TRPM3: variants seen among roughly 807,000 people sequenced by gnomAD.
TRPM3 encodes long transient receptor potential channel 3.
Under a neutral mutation model 181.2 loss-of-function variants are expected in TRPM3, and 77 were observed. That is an observed-to-expected ratio of 0.42 (90% CI 0.35 to 0.51). The LOEUF is 0.51. Among genes scored for constraint, TRPM3 ranks in the 20% least tolerant of loss-of-function variants. The pLI is 0.01. For synonymous variants in TRPM3, 745 were observed against 796.4 expected (o/e 0.94, Z 1.09); for missense variants, 1,759 against 2,196.7 (o/e 0.80, Z 3.98).
intron 1 of TRPM3, among the ~76,000 whole-genome samples, chr9:71,081,886 G>A (rs956542930): frequency 6.6e-6 from 1 of 152,086 alleles, no homozygotes; most frequent in South Asian, 2.1e-4. Flanking sequence ...TTGCCACTTG[G>A]ATTCATTGGA....
intron 1 of TRPM3, among the ~76,000 whole-genome samples, chr9:71,092,147 T>TAC (rs2066332996): frequency 6.6e-6 from 1 of 152,132 alleles, no homozygotes; most frequent in African/African-American, 2.4e-5. Flanking sequence ...AGTACTAAAA[T>TAC]GAAACAAATA....
intron 1 of TRPM3, among the ~76,000 whole-genome samples, chr9:71,281,922 G>A (rs111456985): frequency 2.0e-5 from 3 of 152,058 alleles, no homozygotes; most frequent in Admixed American, 6.6e-5. Flanking sequence ...TTAGCCAGGC[G>A]TGGTGGCACA....
At chr9:70,914,172 C>T (rs924262966) in intron 1 of TRPM3, among the ~76,000 whole-genome samples, 6 of 152,048 alleles carry the variant, frequency 3.9e-5, no homozygotes, top group South Asian at 2.1e-4. Context: ...AGTTAATGCC[C>T]ATATAAAAGA....
At chr9:71,314,960 GC>G (rs1262303214) in intron 1 of TRPM3, among the ~76,000 whole-genome samples, 3 of 152,184 alleles carry the variant, frequency 2.0e-5, no homozygotes, top group South Asian at 4.1e-4. Context: ...TCCAAGCCAG[GC>G]TAGGCTATAG....
At chr9:71,013,139 G>T (rs2097758926) in intron 1 of TRPM3, among the ~76,000 whole-genome samples, 1 of 151,976 alleles carries the variant, frequency 6.6e-6, no homozygotes, top group African/African-American at 2.4e-5. Flanking sequence ...TTCCTATTTT[G>T]TTGATTTTGG....
intron 1 of TRPM3, among the ~76,000 whole-genome samples, chr9:71,296,988 C>CTCT (rs2086324981): frequency 1.0e-5 from 1 of 97,872 alleles, no homozygotes; most frequent in African/African-American, 3.8e-5. Flanking sequence ...TGAATCTTTT[C>CTCT]TTTTTTTTTT....
rs918571578 is a variant in TRPM3 at position 70,552,777 on chromosome 9, G to A, written c.3574+67C>T. The A allele has an allele frequency of 2.9e-5, 45 of 1,549,564 alleles. No individual in the cohort carries two copies. In the East Asian group the frequency reaches 3.6e-4, roughly 12 times the overall value. ...GAACTAGGTGGGCATGCGATTCTGC[G>A]TGATTGCCTATAGGAAGTGGTAGGG... On this transcript the variant is annotated intron_variant, in intron 24 of 25. Transcript: ENST00000677713.
intron 1 of TRPM3, among the ~76,000 whole-genome samples, chr9:71,301,100 A>G (rs2086730161): frequency 6.6e-6 from 1 of 152,164 alleles, no homozygotes; most frequent in African/African-American, 2.4e-5. Context: ...GAAGAAATAC[A>G]AGAAAACAGA....
intron 1 of TRPM3, among the ~76,000 whole-genome samples, chr9:71,086,532 C>T (rs572816039): frequency 1.3e-5 from 2 of 151,938 alleles, no homozygotes; most frequent in Admixed American, 1.3e-4. Flanking sequence ...GAAAATCTAA[C>T]CAAAAGAGGT....
chr9:71,306,639 G>T (rs966112837), intron 1 of TRPM3, among the ~76,000 whole-genome samples: 1 of 152,150 alleles, frequency 6.6e-6, no homozygotes, highest in Admixed American at 6.5e-5. Flanking sequence ...ACTTTGGGAG[G>T]CTGAGGCAGG....
At chr9:70,618,789 A>G (rs2063171515) in intron 17 of TRPM3, 78 bp downstream of exon 17, 2 of 1,254,580 alleles carry the variant, frequency 1.6e-6, no homozygotes, top group Admixed American at 1.9e-5. Context: ...GCCCAATTCC[A>G]TGGCAGATTT....
chr9:70,923,947 T>TAC lies in TRPM3; in HGVS notation c.178-59438_178-59437dup, dbSNP rs528072954. ...ATACACACATATATACATATATATA[T>TAC]ACACACACACACATATATATATACA... On this transcript the variant is annotated intron_variant, in intron 1 of 25. Coordinates refer to ENST00000677713, the MANE Select transcript of TRPM3 (RefSeq NM_001366145.2). Among the ~76,000 whole-genome samples, 737 of 149,418 alleles carry TAC rather than the reference T, an allele frequency of 4.9e-3. 1 individual carries two copies. The highest frequency in any genetic ancestry group is 0.017 in the African/African-American group (683 of 40,636).
intron 22 of TRPM3, among the ~76,000 whole-genome samples, chr9:70,577,581 A>G (rs968855988): frequency 2.6e-5 from 4 of 152,212 alleles, no homozygotes; most frequent in African/African-American, 9.7e-5. Flanking sequence ...AACCCAAGAC[A>G]TAGCTTTTGT....
At chr9:71,209,196 T>G (rs1029322668) in intron 1 of TRPM3, among the ~76,000 whole-genome samples, 6 of 152,210 alleles carry the variant, frequency 3.9e-5, no homozygotes, top group Admixed American at 6.5e-5. Flanking sequence ...CACTTCTATA[T>G]GAGGAAATGA....
chr9:70,841,374 T>A (rs2094612210), intron 5 of TRPM3, among the ~76,000 whole-genome samples: 1 of 151,942 alleles, frequency 6.6e-6, no homozygotes, highest in African/African-American at 2.4e-5. Context: ...ATCTCATTCC[T>A]TATCCTATGT....
At chr9:70,573,629 C>A (rs182195872) in intron 22 of TRPM3, among the ~76,000 whole-genome samples, 12 of 152,062 alleles carry the variant, frequency 7.9e-5, no homozygotes, top group East Asian at 1.9e-4. Context: ...AACAAAAAAA[C>A]CAAAACAAAA....
At chr9:71,438,864 G>A (rs1386122161) in intron 1 of TRPM3, among the ~76,000 whole-genome samples, 1 of 152,070 alleles carries the variant, frequency 6.6e-6, no homozygotes, top group Non-Finnish European at 1.5e-5. Context: ...TTACACCATT[G>A]CCTCTACTTT....
intron 1 of TRPM3, among the ~76,000 whole-genome samples, chr9:70,901,142 C>G (rs1228080521): frequency 2.0e-5 from 3 of 152,118 alleles, no homozygotes; most frequent in Non-Finnish European, 4.4e-5. Context: ...GGGTGGGGAC[C>G]TAACATGTAG....
intron 19 of TRPM3, among the ~76,000 whole-genome samples, chr9:70,604,964 C>CTTTTTTTTTT (rs5898151): frequency 0.67 from 86,176 of 129,492 alleles, 30,385 homozygotes; most frequent in East Asian, 0.83. Context: ...ATGGATTCTT[C>CTTTTTTTTTT]TTTTTTTTTG....
Sources: allele counts gnomAD v4.1 joint callset (sites outside exome capture counted in the v4.1 genomes callset), GRCh38; gene constraint gnomAD v4.1.1; transcripts MANE v1.5; gene names NCBI Gene and HGNC (gene_info 2026-07-23, HGNC 2026-07-21).